Variants in EXOC4 observed in about 807,000 individuals in gnomAD.
EXOC4 encodes exocyst complex component 4, also known as SEC8-like 1.
In EXOC4, 71 loss-of-function variants were observed where a neutral mutation model predicts 107.2. The observed-to-expected ratio is 0.66, with a 90% CI of 0.55 to 0.81. EXOC4 has a LOEUF of 0.81. Ranked by LOEUF, EXOC4 falls within the 30% of genes least tolerant of loss-of-function variation. The pLI, the probability that EXOC4 is intolerant of heterozygous loss-of-function variation, is 0.00. For synonymous variants in EXOC4, 456 were observed against 441.2 expected, an observed-to-expected ratio of 1.03 and a Z score of -0.42; for missense variants, 1,108 against 1,189.6, an observed-to-expected ratio of 0.93 and a Z score of 1.01.
the EXOC4 span, among the ~76,000 whole-genome samples, chr7:134,082,484 A>C: frequency 6.6e-6 from 1 of 152,202 alleles, no homozygotes; most frequent in African/African-American, 2.4e-5. Flanking sequence ...CTCTGTCGCC[A>C]GGCTGGAGTG....
At chr7:133,885,307 C>A in intron 11 of EXOC4, among the ~76,000 whole-genome samples, 1 of 145,954 alleles carries the variant, frequency 6.9e-6, no homozygotes, top group African/African-American at 2.6e-5. Context: ...AGTGAGACCC[C>A]GTCTCAAAAA....
chr7:133,474,662 A>G (rs990489359), intron 7 of EXOC4, among the ~76,000 whole-genome samples: 3 of 152,046 alleles, frequency 2.0e-5, no homozygotes, highest in Non-Finnish European at 2.9e-5. Context: ...TGAAGCTCTC[A>G]ATATGAGTAG....
At chr7:133,644,921 A>G (rs1485495161) in intron 10 of EXOC4, among the ~76,000 whole-genome samples, 2 of 151,984 alleles carry the variant, frequency 1.3e-5, no homozygotes, top group Non-Finnish European at 2.9e-5. Context: ...TGTGGTGCAA[A>G]CTATTTAAAG....
intron 11 of EXOC4, among the ~76,000 whole-genome samples, chr7:133,857,882 T>A (rs1798452103): frequency 6.6e-6 from 1 of 152,048 alleles, no homozygotes; most frequent in South Asian, 2.1e-4. Flanking sequence ...GGGGGAGGCA[T>A]GTCTTTGCCT....
chr7:133,647,536 A>G (rs1437523016), intron 10 of EXOC4, among the ~76,000 whole-genome samples: 1 of 152,052 alleles, frequency 6.6e-6, no homozygotes, highest in Non-Finnish European at 1.5e-5. Context: ...GCTATTGTAA[A>G]TGGGTGGCTA....
intron 13 of EXOC4, among the ~76,000 whole-genome samples, chr7:133,937,572 G>A (rs755633120): frequency 2.0e-5 from 3 of 152,154 alleles, no homozygotes; most frequent in Non-Finnish European, 4.4e-5. Flanking sequence ...ATAAGAAGAG[G>A]CAAGGAAAAC....
intron 5 of EXOC4, among the ~76,000 whole-genome samples, chr7:133,332,875 G>A (rs1795426217): frequency 6.6e-6 from 1 of 151,926 alleles, no homozygotes; most frequent in African/African-American, 2.4e-5. Flanking sequence ...TTTTTGACTG[G>A]TTATTTACCC....
At position 133,289,123 on chromosome 7, in the gene EXOC4, GA is replaced by G; in HGVS notation, c.471+9del. 6.2e-7 allele frequency: 1 copy of G among 1,613,228 alleles called. No homozygotes were observed. The highest frequency in any genetic ancestry group is 1.6e-4 in the Middle Eastern group (1 of 6,062). ...CAGTGCCACTGACATGTTGGTAAGA[GA>G]ACAGCCTGTGCTAAGGGTCATTTTT... is the stretch of plus-strand genomic sequence containing the variant. On this transcript the variant is annotated splice_region_variant and intron_variant, in intron 3 of 17. Coordinates refer to ENST00000253861, the MANE Select transcript of EXOC4 (RefSeq NM_021807.4).
intron 17 of EXOC4, among the ~76,000 whole-genome samples, chr7:134,026,829 G>A (rs1011745061): frequency 0.013 from 3 of 238 alleles, no homozygotes; most frequent in African/African-American, 0.052. Flanking sequence ...TATAGGCAGA[G>A]CAACGTTGCT....
intron 17 of EXOC4, among the ~76,000 whole-genome samples, chr7:134,040,875 G>T (rs1340695143): frequency 6.6e-6 from 1 of 152,150 alleles, no homozygotes; most frequent in Non-Finnish European, 1.5e-5. Flanking sequence ...AACATATGTG[G>T]TATAGGTGGT....
intron 14 of EXOC4, among the ~76,000 whole-genome samples, chr7:133,977,006 C>T (rs1226931432): frequency 2.6e-5 from 4 of 152,194 alleles, no homozygotes; most frequent in Non-Finnish European, 4.4e-5. Flanking sequence ...ATACCTTTAA[C>T]CTAATTGCCA....
At chr7:134,051,497 C>T (rs948571988) in intron 17 of EXOC4, among the ~76,000 whole-genome samples, 1 of 151,836 alleles carries the variant, frequency 6.6e-6, no homozygotes, top group African/African-American at 2.4e-5. Flanking sequence ...ATGGTGAAAC[C>T]CTGTCTCTAC....
chr7:133,684,749 C>A (rs1387968091), intron 10 of EXOC4, among the ~76,000 whole-genome samples: 1 of 152,118 alleles, frequency 6.6e-6, no homozygotes, highest in Non-Finnish European at 1.5e-5. Context: ...AAACTAAAAA[C>A]CAGAACAGTA....
chr7:134,018,330 G>T (rs1245342447), intron 17 of EXOC4, among the ~76,000 whole-genome samples: 1 of 152,066 alleles, frequency 6.6e-6, no homozygotes, highest in Non-Finnish European at 1.5e-5. Context: ...TGGCACAATC[G>T]CTGTCGTAAA....
At chr7:133,960,231 T>G (rs982050140) in intron 14 of EXOC4, among the ~76,000 whole-genome samples, 1 of 152,234 alleles carries the variant, frequency 6.6e-6, no homozygotes, top group Non-Finnish European at 1.5e-5. Context: ...AGTTTGGAGT[T>G]GAGTACTTTA....
intron 17 of EXOC4, among the ~76,000 whole-genome samples, chr7:134,055,424 C>T (rs559505430): frequency 2.6e-5 from 4 of 152,290 alleles, no homozygotes; most frequent in South Asian, 4.1e-4. Flanking sequence ...AAAAATAGAA[C>T]GAATTGGCAC....
chr7:133,397,117 T>C (rs1301157941), intron 7 of EXOC4, among the ~76,000 whole-genome samples: 1 of 84,498 alleles, frequency 1.2e-5, no homozygotes, highest in Non-Finnish European at 2.3e-5. Context: ...TGTTTTTGTT[T>C]CATTTGGTTT....
At chr7:133,564,580 A>G (rs1353998905) in intron 9 of EXOC4, among the ~76,000 whole-genome samples, 1 of 152,184 alleles carries the variant, frequency 6.6e-6, no homozygotes, top group African/African-American at 2.4e-5. Context: ...TTTAGTCATT[A>G]TGAAATACGT....
intron 10 of EXOC4, among the ~76,000 whole-genome samples, chr7:133,709,880 A>G (rs1421477374): frequency 6.6e-6 from 1 of 152,112 alleles, no homozygotes; most frequent in Non-Finnish European, 1.5e-5. Flanking sequence ...GCACATGGTA[A>G]ATGCTGTAGG....
Sources: allele counts gnomAD v4.1 joint callset (sites outside exome capture counted in the v4.1 genomes callset), GRCh38; gene constraint gnomAD v4.1.1; transcripts MANE v1.5; gene names NCBI Gene and HGNC (gene_info 2026-07-23, HGNC 2026-07-21).